KIF5A: variants seen among roughly 807,000 people sequenced by gnomAD.
The protein encoded by KIF5A is kinesin heavy chain isoform 5A.
In KIF5A, 35 loss-of-function variants were observed where a neutral mutation model predicts 141.3. That is an observed-to-expected ratio of 0.25 (90% confidence interval 0.19 to 0.33). The LOEUF (loss-of-function observed/expected upper bound fraction) is 0.33. Among genes scored for constraint, KIF5A ranks in the 10% least tolerant of loss-of-function variants. KIF5A has a pLI of 1.00. For synonymous variants in KIF5A, 448 were observed against 500.2 expected, an observed-to-expected ratio of 0.90 and a Z score of 1.39; for missense variants, 861 against 1,314.3, an observed-to-expected ratio of 0.66 and a Z score of 5.33.
chr12:57,583,133 A>G lies in KIF5A; in HGVS notation c.3053A>G (p.Asp1018Gly). The G allele has an allele frequency of 6.2e-7, 1 of 1,613,986 alleles. No individual in the cohort carries two copies. Among genetic ancestry groups the G allele is most frequent in the Non-Finnish European group, 8.5e-7 (1 of 1,180,008 alleles). Residue 1018 changes from aspartate to glycine, a missense_variant, in exon 28 of 29, where the codon GAC (aspartate) becomes GGC (glycine). This residue lies in a region of KIF5A where 482 missense variants were observed against 661.3 expected (regional missense o/e 0.73). Transcript: ENST00000455537. The stretch of plus-strand genomic sequence containing the variant: ...CTGCCGTGTGGCTATGAGGCTGAGG[A>G]CCAGGCCAAGCTTTTCCCTCTCCAC... ...SDLPCGYEAEDQAKLFPLHQE... is the reference protein window; with the variant it reads ...SDLPCGYEAEGQAKLFPLHQE...
Position 57,564,468 on chromosome 12 carries a change from C to T in KIF5A, c.405C>T (p.Tyr135=), listed in dbSNP as rs762206757. 5.6e-6 allele frequency: 9 copies of T among 1,611,862 alleles called. No individual in the cohort carries two copies. The highest frequency in any genetic ancestry group is 6.8e-6 in the Non-Finnish European group (8 of 1,177,948). ...TCTTTCTTCTTAACCAGGTTTCTTA[C>T]TTTGAAATTTACCTGGACAAAATTC... ...ENLEFHIKVS[Y]FEIYLDKIRD... The change falls in exon 5 of 29, where the codon TAC becomes TAT. Residue 135 remains tyrosine, a synonymous_variant. Coordinates refer to ENST00000455537, the MANE Select transcript of KIF5A (RefSeq NM_004984.4).
intron 17 of KIF5A, 88 bp downstream of exon 17, chr12:57,575,845 A>AGCTAATGCTTTGAGTG: frequency 9.5e-7 from 1 of 1,057,010 alleles, no homozygotes; most frequent in Non-Finnish European, 1.5e-6. Flanking sequence ...CACTCACTCA[A>AGCTAATGCTTTGAGTG]AGCATTAGCT....
In KIF5A at chr12:57,569,120, C is replaced by T; in HGVS notation, c.819+53C>T. 3.9e-6 allele frequency: 6 copies of T among 1,557,266 alleles called. No homozygotes were observed. In the South Asian group the frequency reaches 6.7e-5, roughly 17 times the overall value. On this transcript the variant is annotated intron_variant, in intron 9 of 28. Coordinates refer to ENST00000455537, the MANE Select transcript of KIF5A (RefSeq NM_004984.4). ...CTCAAGCCACACCCCATCTCCTCCCCCACCTGCTAATGCCACCATATGATC... is the reference window on the plus strand; with the variant it reads ...CTCAAGCCACACCCCATCTCCTCCCTCACCTGCTAATGCCACCATATGATC...
intron 1 of KIF5A, among the ~76,000 whole-genome samples, chr12:57,561,943 C>T (rs1009296255): frequency 6.6e-6 from 1 of 152,186 alleles, no homozygotes; most frequent in African/African-American, 2.4e-5. Context: ...CAAACTCTGG[C>T]GTCTGTAGAT....
At chr12:57,551,080 A>AC (rs756107032) in intron 1 of KIF5A, among the ~76,000 whole-genome samples, 6 of 151,186 alleles carry the variant, frequency 4.0e-5, no homozygotes, top group Admixed American at 1.3e-4. Context: ...TCCCCAACTG[A>AC]CCCCCCTAAA....
At chr12:57,582,736 G>C (rs531166628) in intron 27 of KIF5A, 107 bp downstream of exon 27, 2 of 905,732 alleles carry the variant, frequency 2.2e-6, no homozygotes, top group African/African-American at 1.6e-5. Context: ...GGGGAAGGGG[G>C]AGGGAGTGAG....
rs775247 is a variant in KIF5A at position 57,581,787 on chromosome 12, A to G, written c.2910-83A>G. 1,371,033 of 1,373,140 alleles carry G rather than the reference A, an allele frequency of 1. 684,481 individuals are homozygous for G. Among genetic ancestry groups the G allele is most frequent in the Middle Eastern group, 1 (4,214 of 4,214 alleles). 85.1% of individuals were successfully genotyped at this position (1,373,140 alleles called of 1,614,324 possible). A position where few individuals can be genotyped will look rare whatever the true frequency, so the allele number is the denominator to read the frequency against. ...ATGGGGAGGGCTGAGCAGCTCTATC[A>G]CTGAGGATGAGTGTGGATTAGTGGT... On this transcript the variant is annotated intron_variant, in intron 25 of 28. Coordinates refer to ENST00000455537, the MANE Select transcript of KIF5A (RefSeq NM_004984.4).
intron 15 of KIF5A, among the ~76,000 whole-genome samples, chr12:57,573,530 TAAA>T (rs879424109): frequency 3.8e-5 from 5 of 131,722 alleles, no homozygotes; most frequent in Non-Finnish European, 5.0e-5. Flanking sequence ...GACCTTGTCT[TAAA>T]AAAAAAAAAA....
chr12:57,575,046 C>G (rs1882378972), intron 15 of KIF5A, 38 bp from the exon 16 acceptor site: 1 of 1,602,182 alleles, frequency 6.2e-7, no homozygotes, highest in Non-Finnish European at 8.6e-7. Flanking sequence ...AGCTTCCCAG[C>G]AGCCAAGAAG....
At chr12:57,570,634 CTCGGCCCCCTGAAGTGCTTGGA>C (rs1882223865) in intron 12 of KIF5A, among the ~76,000 whole-genome samples, 1 of 152,168 alleles carries the variant, frequency 6.6e-6, no homozygotes, top group Non-Finnish European at 1.5e-5. Context: ...ATCCGCCCGC[CTCGGCCCCCTGAAGTGCTTGGA>C]TTACAGGCGT....
In KIF5A at chr12:57,564,866, A is replaced by G. The variant is rs185950003; in HGVS notation, c.446-52A>G. The G allele has an allele frequency of 5.2e-6, 8 of 1,550,058 alleles. No individual in the cohort carries two copies. In the African/African-American group the frequency reaches 1.1e-4, roughly 21 times the overall value. ...CATCTGAGCTGACTGCAAGGTGCAG[A>G]TGGGGGCGGTGGAAGTACTAGTCTT... On this transcript the variant is annotated intron_variant, in intron 5 of 28. Transcript: ENST00000455537.
chr12:57,561,686 T>A (rs1881913255), intron 1 of KIF5A, among the ~76,000 whole-genome samples: 1 of 152,226 alleles, frequency 6.6e-6, no homozygotes, highest in African/African-American at 2.4e-5. Context: ...TAAAACTTTT[T>A]AAAATATAAT....
chr12:57,573,105 C>T (rs770142894), intron 15 of KIF5A, among the ~76,000 whole-genome samples: 1 of 152,288 alleles, frequency 6.6e-6, no homozygotes, highest in Non-Finnish European at 1.5e-5. Flanking sequence ...GCAGGAGAAT[C>T]GCTTCAACCT....
chr12:57,570,556 G>A (rs1565699689), intron 12 of KIF5A, among the ~76,000 whole-genome samples: 1 of 152,060 alleles, frequency 6.6e-6, no homozygotes. Flanking sequence ...ATGCCACCAC[G>A]CCTGGCTAAT....
chr12:57,566,366 T>TAACCAAA, intron 6 of KIF5A, among the ~76,000 whole-genome samples: 1 of 148,684 alleles, frequency 6.7e-6, no homozygotes, highest in East Asian at 2.1e-4. Context: ...AGCCTCCCAG[T>TAACCAAA]GTGCTGGCAT....
At position 57,570,042 on chromosome 12, in the gene KIF5A, C is replaced by G; in HGVS notation, c.1173C>G (p.Ala391=). Residue 391 remains alanine (A), a synonymous_variant, in exon 12 of 29, where the codon GCC becomes GCG. Coordinates refer to ENST00000455537, the MANE Select transcript of KIF5A (RefSeq NM_004984.4). ...CTGGGGAGGAGGCAGCCCTGGGAGC[C>G]GAGCTCTGTGAGGAGACCCCTGTGA... The part of the protein sequence containing the change: ...RLAGEEAALG[A]ELCEETPVND... 1 of 1,613,970 alleles carries G rather than the reference C, an allele frequency of 6.2e-7. No individual in the cohort carries two copies. The highest frequency in any genetic ancestry group is 8.5e-7 in the Non-Finnish European group (1 of 1,179,842).
At chr12:57,568,903 G>A in intron 8 of KIF5A, 60 bp from the exon 9 acceptor site, 2 of 1,123,882 alleles carry the variant, frequency 1.8e-6, no homozygotes, top group Non-Finnish European at 2.7e-6. Context: ...GGAACGAGGT[G>A]GTGACAGCCC....
chr12:57,574,060 T>A (rs1352334466), intron 15 of KIF5A, among the ~76,000 whole-genome samples: 1 of 134,316 alleles, frequency 7.4e-6, no homozygotes, highest in Non-Finnish European at 1.6e-5. Flanking sequence ...CCAGCCTGGG[T>A]GACAGAGGGA....
intron 13 of KIF5A, 107 bp downstream of exon 13, chr12:57,571,496 G>A: frequency 8.9e-7 from 1 of 1,126,052 alleles, no homozygotes; most frequent in Non-Finnish European, 1.3e-6. Flanking sequence ...CTTTCTGCTT[G>A]GGGATTAATC....
Sources: gnomAD v4.1 joint callset for allele counts (sites outside exome capture counted in the v4.1 genomes callset) on GRCh38, gnomAD v4.1.1 for gene constraint, gnomAD v4.1.1 regional missense constraint, MANE v1.5 for transcripts, NCBI Gene and HGNC (gene_info 2026-07-23, HGNC 2026-07-21) for gene names.